Variants in KNCN observed in about 807,000 individuals in gnomAD.
KNCN encodes kinocilin.
KNCN carries 11 observed loss-of-function variants against 10.4 expected under a neutral mutation model. The observed-to-expected ratio is 1.06, with a 90% CI of 0.67 to 1.75. The LOEUF is 1.75. Among genes scored for constraint, KNCN ranks in the 40% most tolerant of loss-of-function variants. The probability of loss-of-function intolerance (pLI) is 0.00; values close to 1 mark genes in which losing one functional copy is unlikely to be tolerated. For synonymous variants in KNCN, 67 were observed against 71.6 expected (o/e 0.94, Z 0.33); for missense variants, 172 against 167.1 (o/e 1.03, Z -0.16).
chr1:46,547,908 TGG>T, intron 3 of KNCN, 99 bp from the exon 4 acceptor site: 1 of 823,376 alleles, frequency 1.2e-6, no homozygotes, highest in Non-Finnish European at 1.8e-6. Context: ...CCGGGGTGCC[TGG>T]TTGACCCCAG....
Position 46,551,545 on chromosome 1 carries a change from G to T in KNCN, c.-330C>A. ...GCTTTGGCTGCCAGAGTTCTAGGGA[G>T]CTGGGCCTGTTCCATAGGATCCTTC... On this transcript the variant is annotated 5_prime_UTR_variant, in exon 1 of 4. Transcript: ENST00000481882. This position sits in a 1 kb window ranked among gnomAD's most constrained non-coding sequence, Gnocchi z 4.0. 3.9e-6 allele frequency: 1 copy of T among 256,584 alleles called. No homozygotes were observed. The highest frequency in any genetic ancestry group is 5.4e-5 in the South Asian group (1 of 18,438). The allele number at this position is 256,584 out of a possible 1,614,324, so 15.9% of individuals were successfully genotyped here.
chr1:46,547,698 G>C lies in KNCN; in HGVS notation c.*32C>G. The C allele has an allele frequency of 2.0e-6, 3 of 1,501,216 alleles. No homozygotes were observed. Among genetic ancestry groups the C allele is most frequent in the Non-Finnish European group, 1.8e-6 (2 of 1,109,336 alleles). 93.0% of individuals were successfully genotyped at this position (1,501,216 alleles called of 1,614,324 possible). On this transcript the variant is annotated 3_prime_UTR_variant, in exon 4 of 4. Transcript: ENST00000481882. ...ATAGGGGCAGCAGGCAGGATGGGAG[G>C]GCAGGGCATGGGCAGCCGCTCAGAC...
rs935824621 is a variant in KNCN at position 46,549,940 on chromosome 1, T to A, written c.214A>T (p.Thr72Ser). 5.8e-6 allele frequency: 9 copies of A among 1,550,348 alleles called. No homozygotes were observed. The African/African-American group carries it at 1.2e-4, about 21-fold the overall frequency. The stretch of plus-strand genomic sequence containing the variant: ...GGTCAGGGAGAGGCCTCACCTATGG[T>A]AGGCAGGATGTGGTCCAGGTTGAAC... ...ARFNLDHILP[T>S]IGSLRIHPHP... The change falls in exon 2 of 4, where the codon ACC becomes TCC. Residue 72 changes from threonine to serine, a missense_variant. Thr to Ser is a moderately conservative substitution (Grantham distance 58, BLOSUM62 1). Transcript: ENST00000481882.
chr1:46,547,565 C>T lies in KNCN; in HGVS notation c.*165G>A, dbSNP rs752156773. The stretch of plus-strand genomic sequence containing the variant: ...GGAATCCATTTTGGAGAGGCTTGGC[C>T]GGGCGAGTGCAAAAGGCCCCATTCC... On this transcript the variant is annotated 3_prime_UTR_variant, in exon 4 of 4. Transcript: ENST00000481882. The T allele has an allele frequency of 1.8e-5, 13 of 717,494 alleles. No individual in the cohort carries two copies. Among genetic ancestry groups the T allele is most frequent in the Admixed American group, 8.0e-5 (4 of 49,968 alleles). 44.4% of individuals were successfully genotyped at this position (717,494 alleles called of 1,614,324 possible).
intron 2 of KNCN, 67 bp downstream of exon 2, chr1:46,549,867 C>T (rs886833421): frequency 3.0e-5 from 46 of 1,549,788 alleles, no homozygotes; most frequent in Middle Eastern, 1.7e-4. Context: ...GGGTCACAGA[C>T]GAGCACACAA....
At chr1:46,550,557 G>A (rs775249521) in intron 1 of KNCN, among the ~76,000 whole-genome samples, 7 of 152,048 alleles carry the variant, frequency 4.6e-5, no homozygotes, top group Non-Finnish European at 8.8e-5. Context: ...GGTGAGGTGA[G>A]GTGAGGGATG....
rs780681973 is a variant in KNCN at position 46,551,129 on chromosome 1, G to C, written c.87C>G (p.Ile29Met). The change falls in exon 1 of 4, where the codon ATC becomes ATG. Residue 29 changes from isoleucine (I) to methionine (M), a missense_variant. By Grantham distance (10) the Ile-to-Met change is conservative. Transcript: ENST00000481882. This position sits in a 1 kb window ranked among gnomAD's most constrained non-coding sequence, Gnocchi z 4.0. ...ALGLVAGSIIIGISVSKAAAA... is the reference protein window; with the variant it reads ...ALGLVAGSIIMGISVSKAAAA... The stretch of plus-strand genomic sequence containing the variant: ...CTGCAGCCTTGGATACGGAGATGCC[G>C]ATAATGATGCTGCCAGCCACCAGCC... 1.2e-6 allele frequency: 2 copies of C among 1,611,408 alleles called. No individual in the cohort carries two copies. The highest frequency in any genetic ancestry group is 1.3e-5 in the African/African-American group (1 of 74,810).
At chr1:46,550,052 T>G (rs752780504) in intron 1 of KNCN, 50 bp from the exon 2 acceptor site, 5 of 1,549,872 alleles carry the variant, frequency 3.2e-6, no homozygotes, top group Non-Finnish European at 3.5e-6. Context: ...CTGGTGAGTG[T>G]TGAGGCTGTG....
intron 3 of KNCN, 120 bp downstream of exon 3, chr1:46,549,073 G>A (rs1667008468): frequency 1.5e-6 from 1 of 679,800 alleles, no homozygotes; most frequent in South Asian, 2.1e-5. Flanking sequence ...ACCGGGAGGT[G>A]GAGGTTGCAG....
At position 46,551,394 on chromosome 1, in the gene KNCN, C is replaced by G; in HGVS notation, c.-179G>C. 1 of 593,722 alleles carries G rather than the reference C, an allele frequency of 1.7e-6. No homozygotes were observed. The highest frequency in any genetic ancestry group is 2.8e-6 in the Non-Finnish European group (1 of 359,236). The allele number at this position is 593,722 out of a possible 1,614,324, so 36.8% of individuals were successfully genotyped here. ...TTATCTGCAGTCCTATTCCACTGCT[C>G]CACTACGGGCCCCCCAGTCCCACCT... On this transcript the variant is annotated 5_prime_UTR_variant, in exon 1 of 4. Transcript: ENST00000481882. The surrounding 1 kb of genome is among the most constrained non-coding windows in gnomAD (Gnocchi z 4.0).
At position 46,547,307 on chromosome 1, in the gene KNCN, G is replaced by T; in HGVS notation, c.*423C>A. The T allele has an allele frequency of 4.5e-6, 2 of 448,246 alleles. No homozygotes were observed. The highest frequency in any genetic ancestry group is 4.5e-6 in the Non-Finnish European group (1 of 223,760). The allele number at this position is 448,246 out of a possible 1,614,324, so 27.8% of individuals were successfully genotyped here. A position where few individuals can be genotyped will look rare whatever the true frequency, so the allele number is the denominator to read the frequency against. The stretch of plus-strand genomic sequence containing the variant: ...TGGGGGTGGAGGGTCCCTGTCTGTG[G>T]TTCTTGTGGGCCTGTGGTTCACTTC... On this transcript the variant is annotated 3_prime_UTR_variant, in exon 4 of 4. Transcript: ENST00000481882.
chr1:46,549,747 T>A, intron 2 of KNCN, 187 bp downstream of exon 2: 1 of 1,081,072 alleles, frequency 9.3e-7, no homozygotes, highest in South Asian at 1.6e-5. Context: ...GCAGGCTGGA[T>A]TCTGCCGTTC....
At position 46,547,700 on chromosome 1, in the gene KNCN, C is replaced by T. The variant is rs577598136; in HGVS notation, c.*30G>A. 4.0e-6 allele frequency: 6 copies of T among 1,507,346 alleles called. No homozygotes were observed. The South Asian group carries it at 5.0e-5, about 13-fold the overall frequency. 93.4% of individuals were successfully genotyped at this position (1,507,346 alleles called of 1,614,324 possible). On this transcript the variant is annotated 3_prime_UTR_variant, in exon 4 of 4. Transcript: ENST00000481882. ...AGGGGCAGCAGGCAGGATGGGAGGG[C>T]AGGGCATGGGCAGCCGCTCAGACTT... is the stretch of plus-strand genomic sequence containing the variant.
chr1:46,547,707 T>C lies in KNCN; in HGVS notation c.*23A>G, dbSNP rs201874024. The C allele has an allele frequency of 2.0e-4, 304 of 1,516,768 alleles. 1 individual carries two copies. The East Asian group carries it at 3.8e-3, about 19-fold the overall frequency. 94.0% of individuals were successfully genotyped at this position (1,516,768 alleles called of 1,614,324 possible). A position where few individuals can be genotyped will look rare whatever the true frequency, so the allele number is the denominator to read the frequency against. ...GCAGGCAGGATGGGAGGGCAGGGCA[T>C]GGGCAGCCGCTCAGACTTTGCCTCA... is the stretch of plus-strand genomic sequence containing the variant. On this transcript the variant is annotated 3_prime_UTR_variant, in exon 4 of 4. Coordinates refer to ENST00000481882, the MANE Select transcript of KNCN (RefSeq NM_001322255.2).
rs1485662520 is a variant in KNCN, at chr1:46,546,756, G to A, written c.*974C>T. 2 of 154,012 alleles carry A rather than the reference G, an allele frequency of 1.3e-5. No homozygotes were observed. The highest frequency in any genetic ancestry group is 2.4e-5 in the African/African-American group (1 of 41,454). The allele number at this position is 154,012 out of a possible 1,614,324, so 9.5% of individuals were successfully genotyped here. A position where few individuals can be genotyped will look rare whatever the true frequency, so the allele number is the denominator to read the frequency against. ...TGCTAGACACTAGAGCAGGGGCAAC[G>A]TTCAGTAGACTTAAGATGGTTTAAT... On this transcript the variant is annotated 3_prime_UTR_variant, in exon 4 of 4. Transcript: ENST00000481882.
rs1009214279 is a variant in KNCN at position 46,547,817 on chromosome 1, A to G, written c.296-8T>C. On this transcript the variant is annotated splice_polypyrimidine_tract_variant and splice_region_variant and intron_variant, in intron 3 of 3. Coordinates refer to ENST00000481882, the MANE Select transcript of KNCN (RefSeq NM_001322255.2). ...ACAGGCTGCTGCGGGCTCCTGGGGGAGAGAACAGGGACGAGGACTGCCTCC... is the reference window on the plus strand; with the variant it reads ...ACAGGCTGCTGCGGGCTCCTGGGGGGGAGAACAGGGACGAGGACTGCCTCC... The G allele has an allele frequency of 2.8e-6, 4 of 1,454,024 alleles. No individual in the cohort carries two copies. The African/African-American group carries it at 5.7e-5, about 21-fold the overall frequency. 90.1% of individuals were successfully genotyped at this position (1,454,024 alleles called of 1,614,324 possible).
Position 46,549,971 on chromosome 1 carries a change from C to T in KNCN, c.183G>A (p.Lys61=), listed in dbSNP as rs1010532339. Reference sequence around the variant, plus strand: ...GGATGTGGTCCAGGTTGAACCGAGCCTTCAGGAAGGGGTAGGCCAAGATGA... The same window carrying T: ...GGATGTGGTCCAGGTTGAACCGAGCTTTCAGGAAGGGGTAGGCCAAGATGA... The part of the protein sequence containing the change: ...GLLILAYPFL[K]ARFNLDHILP... The change falls in exon 2 of 4, where the codon AAG becomes AAA. Residue 61 remains lysine (K), a synonymous_variant. Coordinates refer to ENST00000481882, the MANE Select transcript of KNCN (RefSeq NM_001322255.2). 1 of 1,550,502 alleles carries T rather than the reference C, an allele frequency of 6.4e-7. No homozygotes were observed. Among genetic ancestry groups the T allele is most frequent in the Non-Finnish European group, 8.7e-7 (1 of 1,146,988 alleles).
chr1:46,547,340 G>A lies in KNCN; in HGVS notation c.*390C>T, dbSNP rs949457933. The A allele has an allele frequency of 8.4e-6, 4 of 475,722 alleles. No homozygotes were observed. Among genetic ancestry groups the A allele is most frequent in the East Asian group, 6.4e-5 (1 of 15,730 alleles). The allele number at this position is 475,722 out of a possible 1,614,324, so 29.5% of individuals were successfully genotyped here. ...GGGCCTGTGGTTCACTTCTGTAGCC[G>A]GGTTAGAGCAAGGGACTGGGGCATC... On this transcript the variant is annotated 3_prime_UTR_variant, in exon 4 of 4. Coordinates refer to ENST00000481882, the MANE Select transcript of KNCN (RefSeq NM_001322255.2).
chr1:46,549,212 G>A lies in KNCN; in HGVS notation c.276C>T (p.Ser92=). Residue 92 remains serine, a synonymous_variant, in exon 3 of 4, where the codon AGC becomes AGT. Transcript: ENST00000481882. The part of the protein sequence containing the change: ...PGADHGEGRS[S]TNGNKEGARS... Reference sequence around the variant, plus strand: ...ACTTACCTTCCTTGTTGCCATTGGTGCTGGATCTTCCTTCCCCGTGGTCTG... The same window carrying A: ...ACTTACCTTCCTTGTTGCCATTGGTACTGGATCTTCCTTCCCCGTGGTCTG... 2.5e-6 allele frequency: 4 copies of A among 1,613,042 alleles called. No individual in the cohort carries two copies. Among genetic ancestry groups the A allele is most frequent in the Non-Finnish European group, 3.4e-6 (4 of 1,179,392 alleles).
Sources: gnomAD v4.1 joint callset for allele counts (sites outside exome capture counted in the v4.1 genomes callset) on GRCh38, gnomAD v4.1.1 for gene constraint, Gnocchi (gnomAD v3.1) non-coding constraint, MANE v1.5 for transcripts, NCBI Gene and HGNC (gene_info 2026-07-23, HGNC 2026-07-21) for gene names.